The following SMUG1 variants were observed in gnomAD, a reference collection of about 807,000 sequenced individuals.
SMUG1 encodes single-strand selective monofunctional uracil DNA glycosylase.
Under a neutral mutation model 23.9 loss-of-function variants are expected in SMUG1, and 13 were observed. That is an observed-to-expected ratio of 0.54 (90% CI 0.35 to 0.86). The LOEUF (loss-of-function observed/expected upper bound fraction) is 0.86, where lower values mean the gene tolerates loss of function less well. Among genes scored for constraint, SMUG1 ranks in the 40% least tolerant of loss-of-function variants. The pLI, the probability that SMUG1 is intolerant of heterozygous loss-of-function variation, is 0.01. For missense variants in SMUG1, 313 were observed against 339.5 expected, an observed-to-expected ratio of 0.92 and a Z score of 0.61; for synonymous variants, 133 against 139.8, an observed-to-expected ratio of 0.95 and a Z score of 0.34.
intron 2 of SMUG1, chr12:54,172,489 C>T (rs1565803173): frequency 1.2e-5 from 2 of 166,448 alleles, no homozygotes; most frequent in Non-Finnish European, 2.6e-5. Context: ...AGTCAGGTCC[C>T]GCACAAGAAA....
chr12:54,164,843 A>G (rs1287237831), intron 4 of SMUG1: 1 of 152,234 alleles, frequency 6.6e-6, no homozygotes, highest in Non-Finnish European at 1.5e-5. Context: ...TGCAGCCTGC[A>G]AAGTGTTTTA....
chr12:54,183,590 G>T, intron 3 of SMUG1, 66 bp downstream of exon 3: 1 of 1,541,062 alleles, frequency 6.5e-7, no homozygotes, highest in Non-Finnish European at 9.0e-7. Flanking sequence ...CTTCTCCACA[G>T]CACACCCAGC....
intron 3 of SMUG1, chr12:54,183,289 C>T (rs1941547615): frequency 2.5e-6 from 1 of 401,834 alleles, no homozygotes; most frequent in Non-Finnish European, 4.4e-6. Context: ...CATACCCACC[C>T]CTGTCAACCA....
chr12:54,161,273 T>A (rs1349695260), downstream of SMUG1, among the ~76,000 whole-genome samples: 1 of 151,688 alleles, frequency 6.6e-6, no homozygotes, highest in African/African-American at 2.4e-5. This position sits in a 1 kb window ranked among gnomAD's most constrained non-coding sequence, Gnocchi z 4.2. Flanking sequence ...ATGGCACAGA[T>A]CATTAAACCC....
At position 54,171,665 on chromosome 12, in the gene SMUG1, A is replaced by C. The variant is rs181533496; in HGVS notation, c.*52+360T>G. Among the ~76,000 whole-genome samples, 459 of 148,000 alleles carry C rather than the reference A, an allele frequency of 3.1e-3. 4 individuals are homozygous for C. The highest frequency in any genetic ancestry group is 4.9e-3 in the Non-Finnish European group (328 of 66,856). ...TCATGCCACTGCACTCCAGCCTGGC[A>C]ACAGAGCTAGAGTCTTGTCTCAAAA... On this transcript the variant is annotated intron_variant and NMD_transcript_variant, in intron 3 of 4. Coordinates refer to the SMUG1 transcript ENST00000509864.
chr12:54,178,502 C>G (rs1940807336), downstream of SMUG1, among the ~76,000 whole-genome samples: 1 of 152,156 alleles, frequency 6.6e-6, no homozygotes, highest in Non-Finnish European at 1.5e-5. Flanking sequence ...CCTAGATGTC[C>G]TCCCTATAGA....
At chr12:54,163,948 T>C (rs1411437524), downstream of SMUG1, among the ~76,000 whole-genome samples, 2 of 152,062 alleles carry the variant, frequency 1.3e-5, no homozygotes, top group East Asian at 3.9e-4. Context: ...TGAATCTAGG[T>C]GCTAAGTGCC....
chr12:54,182,651 G>T (rs1393867044), intron 3 of SMUG1, 28 bp from the exon 4 acceptor site: 1 of 1,579,212 alleles, frequency 6.3e-7, no homozygotes, highest in South Asian at 1.2e-5. Flanking sequence ...GACATGAAAG[G>T]CTTCAAACTG....
Position 54,180,939 on chromosome 12 carries a change from G to A in SMUG1, c.*1157C>T, listed in dbSNP as rs1358850607. 4 of 149,194 alleles carry A rather than the reference G, an allele frequency of 2.7e-5. No homozygotes were observed. The highest frequency in any genetic ancestry group is 1.0e-4 in the African/African-American group (4 of 40,104). The allele number at this position is 149,194 out of a possible 1,614,324, so 9.2% of individuals were successfully genotyped here. On this transcript the variant is annotated 3_prime_UTR_variant, in exon 4 of 4. Transcript: ENST00000682136. ...GAAAGCAGATGTTGCAGTGAACTGAGACCATGCCACTGCACTCCAGCCTGG... is the reference window on the plus strand; with the variant it reads ...GAAAGCAGATGTTGCAGTGAACTGAAACCATGCCACTGCACTCCAGCCTGG...
chr12:54,161,954 G>C (rs1940280474), downstream of SMUG1: 1 of 152,484 alleles, frequency 6.6e-6, no homozygotes, highest in East Asian at 1.9e-4. The surrounding 1 kb of genome is among the most constrained non-coding windows in gnomAD (Gnocchi z 4.2). Flanking sequence ...TCCAGGCTGA[G>C]CAAGGTTCTG....
chr12:54,182,555 G>A lies in SMUG1; in HGVS notation c.354C>T (p.Pro118=), dbSNP rs745378076. The change falls in exon 4 of 4, where the codon CCC becomes CCT. Residue 118 remains proline, a synonymous_variant. Transcript: ENST00000682136. Reference sequence around the variant, plus strand: ...GCACTGGTCGTTTAGGATGCTCTTGGGGAGGGGTCAGCACAGGCCCCACAA... The same window carrying A: ...GCACTGGTCGTTTAGGATGCTCTTGAGGAGGGGTCAGCACAGGCCCCACAA... The part of the protein sequence containing the change: ...LGIVGPVLTP[P]QEHPKRPVLG... 9 of 1,614,010 alleles carry A rather than the reference G, an allele frequency of 5.6e-6. No homozygotes were observed. Among genetic ancestry groups the A allele is most frequent in the Admixed American group, 1.7e-5 (1 of 59,992 alleles).
intron 3 of SMUG1, chr12:54,183,431 T>G (rs1941575191): frequency 3.4e-6 from 2 of 581,568 alleles, no homozygotes; most frequent in Non-Finnish European, 6.2e-6. Flanking sequence ...ACTGGCCAGC[T>G]CACAGGGAAA....
At chr12:54,183,001 G>T in intron 3 of SMUG1, 1 of 208,348 alleles carries the variant, frequency 4.8e-6, no homozygotes, top group East Asian at 1.2e-4. Flanking sequence ...GCTGACCACT[G>T]CTGTCTGGAT....
chr12:54,175,029 G>T (rs988929713), intron 2 of SMUG1: 34 of 152,208 alleles, frequency 2.2e-4, no homozygotes, highest in African/African-American at 7.2e-4. Flanking sequence ...TATATCACCT[G>T]ATGGTCACAG....
chr12:54,183,776 G>A lies in SMUG1; in HGVS notation c.165C>T (p.Tyr55=). The A allele has an allele frequency of 6.2e-7, 1 of 1,614,188 alleles. No homozygotes were observed. The highest frequency in any genetic ancestry group is 8.5e-7 in the Non-Finnish European group (1 of 1,180,024). ...LQFSEPVGII[Y]NPVEYAWEPH... Reference sequence around the variant, plus strand: ...GCTCCCATGCATACTCCACGGGATTGTAGATGATGCCCACAGGCTCCGAAA... The same window carrying A: ...GCTCCCATGCATACTCCACGGGATTATAGATGATGCCCACAGGCTCCGAAA... Residue 55 remains tyrosine (Y), a synonymous_variant, in exon 3 of 4, where the codon TAC becomes TAT. Transcript: ENST00000682136.
chr12:54,162,089 G>A (rs1940286461), downstream of SMUG1: 1 of 152,984 alleles, frequency 6.5e-6, no homozygotes, highest in Non-Finnish European at 1.5e-5. Context: ...ATGGCAAAGA[G>A]AAGGGAGCAG....
chr12:54,182,997 C>T (rs1372995568), intron 3 of SMUG1: 1 of 215,176 alleles, frequency 4.6e-6, no homozygotes. Context: ...ATGGGCTGAC[C>T]ACTGCTGTCT....
At chr12:54,174,921 T>A (rs1332057241) in intron 2 of SMUG1, 1 of 152,238 alleles carries the variant, frequency 6.6e-6, no homozygotes, top group Non-Finnish European at 1.5e-5. Flanking sequence ...AAATACATTA[T>A]AATTCAACCT....
chr12:54,169,921 G>A (rs1462908623), intron 3 of SMUG1, among the ~76,000 whole-genome samples: 1 of 152,166 alleles, frequency 6.6e-6, no homozygotes, highest in East Asian at 1.9e-4. Flanking sequence ...CTGTTGGGCT[G>A]GGTACAATGG....
Sources: gnomAD v4.1 joint callset for allele counts (sites outside exome capture counted in the v4.1 genomes callset) on GRCh38, gnomAD v4.1.1 for gene constraint, Gnocchi (gnomAD v3.1) non-coding constraint, MANE v1.5 for transcripts, NCBI Gene and HGNC (gene_info 2026-07-23, HGNC 2026-07-21) for gene names.